SPATA21: variants seen among roughly 807,000 people sequenced by gnomAD.
The protein encoded by SPATA21 is spermatogenesis associated 21.
In SPATA21, 47 loss-of-function variants were observed where a neutral mutation model predicts 54.8. That is an observed-to-expected ratio of 0.86 (90% CI 0.68 to 1.09). The LOEUF (loss-of-function observed/expected upper bound fraction) is 1.09, where lower values mean the gene tolerates loss of function less well. Among genes scored for constraint, SPATA21 ranks in the 50% least tolerant of loss-of-function variants. The probability of loss-of-function intolerance (pLI) is 0.00; values close to 1 mark genes in which losing one functional copy is unlikely to be tolerated. For missense variants in SPATA21, 599 were observed against 596.4 expected (o/e 1.00, Z -0.05); for synonymous variants, 245 against 235.3 (o/e 1.04, Z -0.38).
chr1:16,403,973 GA>G lies in SPATA21; in HGVS notation c.877del (p.Ser293LeufsTer27), dbSNP rs1291907430. On this transcript the variant is annotated frameshift_variant, in exon 9 of 13. Transcript: ENST00000335496. LOFTEE classifies it high-confidence loss of function. ...VMTDTRRFFC[S>X]VEQNALSDMA... is the part of the protein sequence containing the mutation. ...CTGGGCTCATCCCTGCTCACCCACA[GA>G]GCAGAAGAAGCGCCTGGTGTCTGTC... The G allele has an allele frequency of 2.5e-6, 4 of 1,587,902 alleles. No homozygotes were observed. In the South Asian group the frequency reaches 4.5e-5, roughly 18 times the overall value.
At chr1:16,436,685 G>A (rs2086593477) in intron 1 of SPATA21, among the ~76,000 whole-genome samples, 1 of 151,846 alleles carries the variant, frequency 6.6e-6, no homozygotes, top group South Asian at 2.1e-4. Context: ...AGAATCGCTT[G>A]AACCTGGGAG....
In SPATA21 at chr1:16,402,295, CT is replaced by C. The variant is rs1196985537; in HGVS notation, c.1002-1404del. On this transcript the variant is annotated intron_variant, in intron 10 of 12. Transcript: ENST00000335496. ...TTTTTTTTTGAGATGGAGTTTCGCT[CT>C]TGTTGCCCAGGCTGGAGTGCAGTGG... 9.8e-5 allele frequency among the ~76,000 whole-genome samples: 10 copies of C among 101,546 alleles called. No homozygotes were observed. The East Asian group carries it at 2.1e-3, about 21-fold the overall frequency. 66.6% of individuals were successfully genotyped at this position (101,546 alleles called of 152,430 possible).
chr1:16,411,175 T>C lies in SPATA21; in HGVS notation c.145-1132A>G, dbSNP rs11260746. On this transcript the variant is annotated intron_variant, in intron 5 of 12. Transcript: ENST00000335496. ...GATTACTCCTATCAGCATGTAAATA[T>C]ATTATCATCTTCCCTCTTTTATTTT... 9.3e-3 allele frequency among the ~76,000 whole-genome samples: 1,417 copies of C among 152,156 alleles called. 18 individuals carry two copies. The highest frequency in any genetic ancestry group is 0.031 in the African/African-American group (1,277 of 41,534).
At chr1:16,402,463 A>T (rs533746380) in intron 10 of SPATA21, among the ~76,000 whole-genome samples, 1 of 151,050 alleles carries the variant, frequency 6.6e-6, no homozygotes, top group African/African-American at 2.4e-5. Flanking sequence ...AGGTTTCACC[A>T]TGTTAGCCAG....
At chr1:16,422,325 C>G (rs2086196038) in intron 3 of SPATA21, 1 of 773,842 alleles carries the variant, frequency 1.3e-6, no homozygotes, top group Non-Finnish European at 1.7e-6. Flanking sequence ...CATCATCTTA[C>G]TTAATTCTCC....
At chr1:16,401,981 C>T (rs2085461144) in intron 10 of SPATA21, among the ~76,000 whole-genome samples, 1 of 152,154 alleles carries the variant, frequency 6.6e-6, no homozygotes. Flanking sequence ...TCAGCCGCAC[C>T]TCTTACTCCA....
At chr1:16,432,477 T>A (rs2790960) in intron 2 of SPATA21, among the ~76,000 whole-genome samples, 1 of 152,048 alleles carries the variant, frequency 6.6e-6, no homozygotes, top group Non-Finnish European at 1.5e-5. Context: ...CATGTTCAGC[T>A]GTGCCACCAC....
chr1:16,434,743 G>A (rs2086545105), intron 1 of SPATA21, among the ~76,000 whole-genome samples: 1 of 151,984 alleles, frequency 6.6e-6, no homozygotes, highest in South Asian at 2.1e-4. Flanking sequence ...TAGCTTTTGA[G>A]TAATTGCCAG....
chr1:16,409,047 C>CT lies in SPATA21; in HGVS notation c.673+70dup. The CT allele has an allele frequency of 6.5e-7, 1 of 1,539,104 alleles. No individual in the cohort carries two copies. ...GATCTGGAAAGCACCCCAGTCCGCC[C>CT]TGCGCCTATAAACCCCCAAGGACCA... On this transcript the variant is annotated intron_variant, in intron 7 of 12. Transcript: ENST00000335496. The surrounding 1 kb of genome is among the most constrained non-coding windows in gnomAD (Gnocchi z 4.1).
intron 5 of SPATA21, among the ~76,000 whole-genome samples, chr1:16,420,831 G>A (rs778935566): frequency 1.7e-4 from 26 of 150,838 alleles, no homozygotes; most frequent in Non-Finnish European, 2.6e-4. Context: ...GACCTGGAGC[G>A]GAGGGAGGGC....
chr1:16,425,821 T>G, intron 3 of SPATA21: 1 of 1,148,274 alleles, frequency 8.7e-7, no homozygotes, highest in Non-Finnish European at 1.2e-6. Context: ...CATAGGTGCA[T>G]AGCTAACGCC....
intron 5 of SPATA21, among the ~76,000 whole-genome samples, chr1:16,418,629 G>T (rs978769218): frequency 6.7e-6 from 1 of 149,636 alleles, no homozygotes; most frequent in Admixed American, 6.7e-5. Flanking sequence ...GTGCAGTGCC[G>T]CTATCTTGGC....
At chr1:16,403,487 T>TTC (rs1553161945) in intron 10 of SPATA21, among the ~76,000 whole-genome samples, 24 of 102,274 alleles carry the variant, frequency 2.3e-4, no homozygotes, top group African/African-American at 7.0e-4. Flanking sequence ...TTTTTTCTTT[T>TTC]TTTTCTTTTT....
intron 3 of SPATA21, among the ~76,000 whole-genome samples, chr1:16,422,544 C>T (rs2086202184): frequency 6.7e-6 from 1 of 149,616 alleles, no homozygotes; most frequent in Non-Finnish European, 1.5e-5. Context: ...CTCACTCTGT[C>T]ACCCAGGCTG....
chr1:16,411,962 C>T (rs1266613186), intron 5 of SPATA21, among the ~76,000 whole-genome samples: 1 of 152,096 alleles, frequency 6.6e-6, no homozygotes, highest in Non-Finnish European at 1.5e-5. Context: ...CAAAGCTGCT[C>T]TCGCCATGCC....
intron 8 of SPATA21, 65 bp from the exon 9 acceptor site, chr1:16,404,104 G>C (rs1421868284): frequency 7.1e-7 from 1 of 1,401,156 alleles, no homozygotes; most frequent in Non-Finnish European, 9.9e-7. Context: ...TTGCAGCCCA[G>C]GCGTGGTTAT....
Position 16,409,209 on chromosome 1 carries a change from G to A in SPATA21, c.588-6C>T, listed in dbSNP as rs751322866. Reference sequence around the variant, plus strand: ...TCTGCTCTTCCGGCTCCTGCCTGCAGAGGACAGAACCCCGACCCAGGGCAA... The same window carrying A: ...TCTGCTCTTCCGGCTCCTGCCTGCAAAGGACAGAACCCCGACCCAGGGCAA... On this transcript the variant is annotated splice_polypyrimidine_tract_variant and splice_region_variant and intron_variant, in intron 6 of 12. Coordinates refer to ENST00000335496, the MANE Select transcript of SPATA21 (RefSeq NM_198546.1). This position sits in a 1 kb window ranked among gnomAD's most constrained non-coding sequence, Gnocchi z 4.1. 2.9e-5 allele frequency: 46 copies of A among 1,613,936 alleles called. No homozygotes were observed. The highest frequency in any genetic ancestry group is 3.9e-5 in the Non-Finnish European group (46 of 1,179,996).
At chr1:16,395,796 T>C (rs954034738), downstream of SPATA21, 3 of 154,692 alleles carry the variant, frequency 1.9e-5, no homozygotes, top group Non-Finnish European at 4.3e-5. Context: ...TTAGCTTCTG[T>C]ATTCCTACTG....
chr1:16,419,451 G>A (rs572967206), intron 5 of SPATA21, among the ~76,000 whole-genome samples: 1 of 152,314 alleles, frequency 6.6e-6, no homozygotes, highest in South Asian at 2.1e-4. Context: ...AGGGCTTGTT[G>A]ACACGTGAAA....
Sources: gnomAD v4.1 joint callset for allele counts (sites outside exome capture counted in the v4.1 genomes callset) on GRCh38, gnomAD v4.1.1 for gene constraint, Gnocchi (gnomAD v3.1) non-coding constraint, MANE v1.5 for transcripts, NCBI Gene and HGNC (gene_info 2026-07-23, HGNC 2026-07-21) for gene names.